SF3A3: variants seen among roughly 807,000 people sequenced by gnomAD.
The protein encoded by SF3A3 is splicing factor 3a subunit 3, also known as SAP 61.
SF3A3 carries 9 observed loss-of-function variants against 85.8 expected under a neutral mutation model. The observed-to-expected ratio is 0.10, with a 90% confidence interval of 0.06 to 0.18. The LOEUF (loss-of-function observed/expected upper bound fraction) is 0.18. Among genes scored for constraint, SF3A3 ranks in the 10% least tolerant of loss-of-function variants. The pLI, the probability that SF3A3 is intolerant of heterozygous loss-of-function variation, is 1.00. For synonymous variants in SF3A3, 195 were observed against 204.4 expected (o/e 0.95, Z 0.39); for missense variants, 306 against 593.3 (o/e 0.52, Z 5.03).
intron 6 of SF3A3, among the ~76,000 whole-genome samples, chr1:37,983,331 C>T (rs1255006761): frequency 1.3e-5 from 2 of 150,354 alleles, no homozygotes; most frequent in Admixed American, 6.6e-5. Context: ...CGTCTATAAT[C>T]CCAACACTTT....
At chr1:37,971,233 CACAA>C (rs35855972) in intron 12 of SF3A3, among the ~76,000 whole-genome samples, 42,193 of 151,778 alleles carry the variant, frequency 0.28, 5,897 homozygotes, top group Middle Eastern at 0.4. Context: ...AACACCTCTA[CACAA>C]ACAAACTAGA....
chr1:37,969,859 T>A (rs981477259), intron 12 of SF3A3, 124 bp from the exon 13 acceptor site: 2 of 1,064,044 alleles, frequency 1.9e-6, no homozygotes, highest in Non-Finnish European at 2.7e-6. Context: ...TCTTACAGAA[T>A]AAAGGAAAAT....
At chr1:37,985,864 C>T (rs1646452772) in intron 4 of SF3A3, among the ~76,000 whole-genome samples, 1 of 151,626 alleles carries the variant, frequency 6.6e-6, no homozygotes, top group Admixed American at 6.6e-5. Context: ...TAGTCTCTTC[C>T]TTTTTCCCTG....
At chr1:37,974,560 A>C (rs7519355) in intron 12 of SF3A3, among the ~76,000 whole-genome samples, 152,078 of 152,292 alleles carry the variant, frequency 1, 75,934 homozygotes, top group Middle Eastern at 1. Flanking sequence ...CCTTGGCCTC[A>C]CAAAGGGCTG....
intron 12 of SF3A3, 124 bp downstream of exon 12, chr1:37,976,760 C>A: frequency 1.4e-6 from 1 of 693,434 alleles, no homozygotes; most frequent in East Asian, 2.6e-5. Flanking sequence ...TATTTTGTGC[C>A]ATACTAGTTT....
At chr1:37,965,951 A>G (rs1019825021) in intron 15 of SF3A3, among the ~76,000 whole-genome samples, 1 of 152,212 alleles carries the variant, frequency 6.6e-6, no homozygotes, top group Non-Finnish European at 1.5e-5. Context: ...CTGTAATCCC[A>G]GTACTTTGGG....
intron 12 of SF3A3, among the ~76,000 whole-genome samples, chr1:37,970,180 C>T (rs1378392807): frequency 6.6e-6 from 1 of 151,898 alleles, no homozygotes; most frequent in Non-Finnish European, 1.5e-5. Flanking sequence ...AGGTGTGCAC[C>T]TGTGATCCCA....
In SF3A3 at chr1:37,968,144, G is replaced by A; in HGVS notation, c.1282-10C>T. 2 of 1,573,288 alleles carry A rather than the reference G, an allele frequency of 1.3e-6. No individual in the cohort carries two copies. Among genetic ancestry groups the A allele is most frequent in the Admixed American group, 1.7e-5 (1 of 59,898 alleles). ...GAGCATGACGCCATTCCTGGGAGAA[G>A]AGAGAAGCAAAAGGATCATGTGAAA... On this transcript the variant is annotated splice_polypyrimidine_tract_variant and intron_variant, in intron 14 of 16. Coordinates refer to ENST00000373019, the MANE Select transcript of SF3A3 (RefSeq NM_006802.4).
chr1:37,957,471 A>G lies in SF3A3; in HGVS notation c.*715T>C, dbSNP rs1193912835. 7 of 140,980 alleles carry G rather than the reference A, an allele frequency of 5.0e-5. No individual in the cohort carries two copies. The highest frequency in any genetic ancestry group is 2.2e-4 in the South Asian group (1 of 4,474). 8.7% of individuals were successfully genotyped at this position (140,980 alleles called of 1,614,324 possible). ...TAGGTTCAAAGGATCTTCTAGCCTCAGTCTCCTGAGTAGCTGGGACTACAG... is the reference window on the plus strand; with the variant it reads ...TAGGTTCAAAGGATCTTCTAGCCTCGGTCTCCTGAGTAGCTGGGACTACAG... On this transcript the variant is annotated 3_prime_UTR_variant, in exon 17 of 17. Transcript: ENST00000373019.
chr1:37,983,655 A>T (rs1291001088), intron 6 of SF3A3, among the ~76,000 whole-genome samples: 1 of 146,376 alleles, frequency 6.8e-6, no homozygotes, highest in African/African-American at 2.5e-5. Flanking sequence ...TTGATAATGG[A>T]CTGGGTACAA....
intron 15 of SF3A3, 102 bp from the exon 16 acceptor site, chr1:37,960,277 A>T: frequency 9.1e-7 from 1 of 1,096,266 alleles, no homozygotes; most frequent in East Asian, 2.5e-5. Flanking sequence ...TCCCTAGAAG[A>T]CTCTGCCTTT....
intron 14 of SF3A3, among the ~76,000 whole-genome samples, chr1:37,969,090 CAG>C (rs2148717892): frequency 6.6e-6 from 1 of 152,240 alleles, no homozygotes; most frequent in East Asian, 1.9e-4. Context: ...AAGACAAAAA[CAG>C]AGAAGTTTAA....
At chr1:37,980,506 A>C (rs1280606206) in intron 8 of SF3A3, 80 bp downstream of exon 8, 1 of 1,477,342 alleles carries the variant, frequency 6.8e-7, no homozygotes, top group Non-Finnish European at 9.3e-7. Context: ...CTAATGCCCT[A>C]AAGTGGAAGC....
At chr1:37,959,216 C>T (rs1481636628) in intron 16 of SF3A3, among the ~76,000 whole-genome samples, 1 of 151,396 alleles carries the variant, frequency 6.6e-6, no homozygotes, top group Non-Finnish European at 1.5e-5. Flanking sequence ...ACAGCTGGGA[C>T]CACAGGCATG....
At chr1:37,958,938 G>A (rs891328300) in intron 16 of SF3A3, among the ~76,000 whole-genome samples, 3 of 152,016 alleles carry the variant, frequency 2.0e-5, no homozygotes, top group African/African-American at 7.2e-5. Flanking sequence ...TCTCCCTGTC[G>A]CTATGAGAGT....
At chr1:37,976,033 G>T (rs769818676) in intron 12 of SF3A3, among the ~76,000 whole-genome samples, 6 of 152,106 alleles carry the variant, frequency 3.9e-5, no homozygotes, top group African/African-American at 1.2e-4. Flanking sequence ...GCGCATGCCT[G>T]TAGTCCCAGC....
chr1:37,978,027 A>C (rs557505850), intron 11 of SF3A3, among the ~76,000 whole-genome samples: 45 of 151,586 alleles, frequency 3.0e-4, no homozygotes, highest in South Asian at 8.4e-4. Context: ...AAAAAAGAAA[A>C]AAACAAACAA....
chr1:37,976,548 G>A (rs974754679), intron 12 of SF3A3, among the ~76,000 whole-genome samples: 13 of 152,060 alleles, frequency 8.5e-5, no homozygotes, highest in African/African-American at 3.1e-4. Flanking sequence ...TAGCCTTTCT[G>A]TTACTTGCCC....
At chr1:37,959,972 A>C in intron 16 of SF3A3, 148 bp downstream of exon 16, 1 of 610,186 alleles carries the variant, frequency 1.6e-6, no homozygotes, top group East Asian at 2.8e-5. Context: ...AAAAAAAAAA[A>C]AAAAAAGGAA....
Sources: gnomAD v4.1 joint callset for allele counts (sites outside exome capture counted in the v4.1 genomes callset) on GRCh38, gnomAD v4.1.1 for gene constraint, MANE v1.5 for transcripts, NCBI Gene and HGNC (gene_info 2026-07-23, HGNC 2026-07-21) for gene names.